TBCA: variants seen among roughly 807,000 people sequenced by gnomAD.
The protein encoded by TBCA is tubulin folding cofactor A.
In TBCA, 6 loss-of-function variants were observed where a neutral mutation model predicts 15.8. The observed-to-expected ratio is 0.38, with a 90% confidence interval of 0.21 to 0.75. The LOEUF is 0.75. Among genes scored for constraint, TBCA ranks in the 30% least tolerant of loss-of-function variants. The pLI is 0.46. For synonymous variants in TBCA, 32 were observed against 42.3 expected (o/e 0.76, Z 0.94); for missense variants, 90 against 131.2 (o/e 0.69, Z 1.53).
chr5:77,701,746 AC>A (rs1237809162), intron 2 of TBCA, among the ~76,000 whole-genome samples: 3 of 140,384 alleles, frequency 2.1e-5, no homozygotes, highest in Admixed American at 7.2e-5. Flanking sequence ...CTACTCAGCC[AC>A]AAATAGCAAT....
chr5:77,727,391 CT>C (rs559743410), intron 1 of TBCA, among the ~76,000 whole-genome samples: 300 of 152,202 alleles, frequency 2.0e-3, no homozygotes, highest in Non-Finnish European at 3.2e-3. Flanking sequence ...GGAAACTGAT[CT>C]TACCATCACA....
chr5:77,750,275 T>C (rs918713242), intron 1 of TBCA, among the ~76,000 whole-genome samples: 10 of 152,122 alleles, frequency 6.6e-5, no homozygotes, highest in South Asian at 2.1e-4. Flanking sequence ...TTTTAAAATA[T>C]ATTAAATTTT....
chr5:77,705,431 A>C (rs888710474), intron 2 of TBCA: 1 of 392,460 alleles, frequency 2.5e-6, no homozygotes, highest in Admixed American at 4.4e-5. Flanking sequence ...AAACAATAGA[A>C]GACTTAAGAG....
chr5:77,709,993 G>C (rs1746238948), intron 1 of TBCA, among the ~76,000 whole-genome samples: 1 of 152,218 alleles, frequency 6.6e-6, no homozygotes, highest in Non-Finnish European at 1.5e-5. Context: ...TGGTTGCTTA[G>C]GACTGGGGAC....
chr5:77,705,139 G>C (rs1161244526), intron 2 of TBCA, among the ~76,000 whole-genome samples: 3 of 152,154 alleles, frequency 2.0e-5, no homozygotes, highest in African/African-American at 7.2e-5. Flanking sequence ...AACTATAAAT[G>C]AAATAAAACA....
At chr5:77,734,674 G>A (rs1385356743) in intron 1 of TBCA, among the ~76,000 whole-genome samples, 1 of 152,148 alleles carries the variant, frequency 6.6e-6, no homozygotes, top group Non-Finnish European at 1.5e-5. Flanking sequence ...AATACTATAC[G>A]TAAACTTAGT....
intron 2 of TBCA, among the ~76,000 whole-genome samples, chr5:77,699,967 G>A (rs1745970160): frequency 6.7e-6 from 1 of 150,224 alleles, no homozygotes; most frequent in Admixed American, 6.7e-5. Flanking sequence ...GAACCTGGGA[G>A]GCAGAGGTTG....
intron 1 of TBCA, among the ~76,000 whole-genome samples, chr5:77,724,420 G>A (rs1456565931): frequency 1.3e-5 from 2 of 151,760 alleles, no homozygotes. Flanking sequence ...CACAACATAA[G>A]ATGAGTCCAG....
chr5:77,749,965 GAT>G (rs1203005952), intron 1 of TBCA, among the ~76,000 whole-genome samples: 1 of 152,108 alleles, frequency 6.6e-6, no homozygotes, highest in East Asian at 1.9e-4. Flanking sequence ...TGCATTTGAA[GAT>G]ATGTATGTAA....
chr5:77,760,742 G>T (rs530509378), intron 1 of TBCA, among the ~76,000 whole-genome samples: 31 of 152,328 alleles, frequency 2.0e-4, no homozygotes, highest in African/African-American at 6.7e-4. Context: ...GCCCAGGCTG[G>T]AGTGCAGTGG....
At chr5:77,735,081 C>T (rs1746867657) in intron 1 of TBCA, among the ~76,000 whole-genome samples, 1 of 152,016 alleles carries the variant, frequency 6.6e-6, no homozygotes, top group Non-Finnish European at 1.5e-5. Flanking sequence ...ACTTGAGAAA[C>T]CAAAAAATTT....
At position 77,776,326 on chromosome 5, in the gene TBCA, C is replaced by G. The variant is rs974730244; in HGVS notation, c.-69G>C. 6.5e-7 allele frequency: 1 copy of G among 1,538,976 alleles called. No homozygotes were observed. The highest frequency in any genetic ancestry group is 8.8e-7 in the Non-Finnish European group (1 of 1,138,132). ...AACCGTGGAGGGCGACGCGCAGAGG[C>G]TGCGGCTATTTAGGCGTGGTCGCCG... On this transcript the variant is annotated 5_prime_UTR_variant, in exon 1 of 4. Transcript: ENST00000380377.
chr5:77,715,313 C>T, intron 1 of TBCA: 1 of 701,536 alleles, frequency 1.4e-6, no homozygotes, highest in Non-Finnish European at 2.6e-6. Flanking sequence ...TCAACATAAT[C>T]CCTAACAAAG....
At chr5:77,712,910 G>A (rs557475630) in intron 1 of TBCA, among the ~76,000 whole-genome samples, 161 of 152,240 alleles carry the variant, frequency 1.1e-3, no homozygotes, top group Middle Eastern at 3.4e-3. Flanking sequence ...CAAAGTAAGG[G>A]ATTATGGACC....
chr5:77,762,017 C>T (rs1173317516), intron 1 of TBCA, among the ~76,000 whole-genome samples: 1 of 152,188 alleles, frequency 6.6e-6, no homozygotes, highest in African/African-American at 2.4e-5. Flanking sequence ...AACGGAATGC[C>T]TTTAATAAGT....
chr5:77,710,504 T>G (rs1206760069), intron 1 of TBCA, among the ~76,000 whole-genome samples: 1 of 152,238 alleles, frequency 6.6e-6, no homozygotes, highest in East Asian at 1.9e-4. Context: ...AAAGATGATT[T>G]TATTTGACTC....
rs536856932 is a variant in TBCA, at chr5:77,691,980, C to T, written c.247-482G>A. On this transcript the variant is annotated intron_variant, in intron 3 of 3. Transcript: ENST00000380377. ...TCTTTGAATTAAACAAATGAATTGCCTGCTTGCTAATGGGTATTACATACC... is the reference window on the plus strand; with the variant it reads ...TCTTTGAATTAAACAAATGAATTGCTTGCTTGCTAATGGGTATTACATACC... 1.8e-5 allele frequency: 18 copies of T among 986,218 alleles called. No individual in the cohort carries two copies. The East Asian group carries it at 1.2e-3, about 68-fold the overall frequency. 61.1% of individuals were successfully genotyped at this position (986,218 alleles called of 1,614,324 possible).
chr5:77,727,098 T>A (rs34770972), intron 1 of TBCA, among the ~76,000 whole-genome samples: 12,153 of 151,836 alleles, frequency 0.08, 642 homozygotes, highest in Middle Eastern at 0.12. Context: ...AAACTTTGTA[T>A]CAAAATGGAT....
chr5:77,706,708 A>G (rs1372019837), intron 2 of TBCA, among the ~76,000 whole-genome samples: 1 of 149,568 alleles, frequency 6.7e-6, no homozygotes, highest in Non-Finnish European at 1.5e-5. Flanking sequence ...GCTTCTTGGG[A>G]GGCTGAGGCA....
Sources: gnomAD v4.1 joint callset for allele counts (sites outside exome capture counted in the v4.1 genomes callset) on GRCh38, gnomAD v4.1.1 for gene constraint, MANE v1.5 for transcripts, NCBI Gene and HGNC (gene_info 2026-07-23, HGNC 2026-07-21) for gene names.